The following GRAP2 variants were observed in gnomAD, a reference collection of about 807,000 sequenced individuals.
GRAP2 encodes the protein GRB2 related adaptor protein 2.
Under a neutral mutation model 43.5 loss-of-function variants are expected in GRAP2, and 31 were observed. The observed-to-expected ratio is 0.71, with a 90% CI of 0.54 to 0.96. GRAP2 has a LOEUF of 0.96. Ranked by LOEUF, GRAP2 falls within the 40% of genes least tolerant of loss-of-function variation. GRAP2 has a pLI of 0.00. For missense variants in GRAP2, 371 were observed against 424.4 expected, an observed-to-expected ratio of 0.87 and a Z score of 1.11; for synonymous variants, 156 against 164.8, an observed-to-expected ratio of 0.95 and a Z score of 0.41.
chr22:39,961,314 G>C (rs1231341732), intron 4 of GRAP2, among the ~76,000 whole-genome samples: 1 of 152,100 alleles, frequency 6.6e-6, no homozygotes, highest in African/African-American at 2.4e-5. Context: ...AGACAGGAGG[G>C]CAGGAGAAGG....
intron 1 of GRAP2, chr22:39,926,641 T>A (rs2066702746): frequency 1.0e-6 from 1 of 985,188 alleles, no homozygotes; most frequent in African/African-American, 1.7e-5. Flanking sequence ...AAGTCTGAGT[T>A]CCTCAATCGC....
intron 1 of GRAP2, among the ~76,000 whole-genome samples, chr22:39,919,096 C>A (rs2066628140): frequency 6.6e-6 from 1 of 152,064 alleles, no homozygotes; most frequent in South Asian, 2.1e-4. Context: ...CAGGGTTGTA[C>A]CACGGCACTC....
At chr22:39,927,747 C>G (rs1212487564) in intron 1 of GRAP2, among the ~76,000 whole-genome samples, 1 of 152,176 alleles carries the variant, frequency 6.6e-6, no homozygotes, top group Non-Finnish European at 1.5e-5. Flanking sequence ...TTCCACCATC[C>G]CCCGTGTGCT....
At chr22:39,904,224 A>G (rs948332090) in intron 1 of GRAP2, among the ~76,000 whole-genome samples, 4 of 152,148 alleles carry the variant, frequency 2.6e-5, no homozygotes, top group Non-Finnish European at 4.4e-5. Context: ...CCCTGTCTCT[A>G]CCAAAATACA....
chr22:39,964,619 T>G, intron 4 of GRAP2: 2 of 698,124 alleles, frequency 2.9e-6, no homozygotes, highest in Non-Finnish European at 5.2e-6. Flanking sequence ...CATCCGTATT[T>G]AAACCTCTCT....
At chr22:39,923,863 A>G (rs1184137334) in intron 1 of GRAP2, among the ~76,000 whole-genome samples, 18 of 152,228 alleles carry the variant, frequency 1.2e-4, no homozygotes, top group South Asian at 6.2e-4. Flanking sequence ...AATTCTGCAC[A>G]GTTGTACATA....
At chr22:39,944,638 A>G (rs2066903480) in intron 1 of GRAP2, among the ~76,000 whole-genome samples, 1 of 152,188 alleles carries the variant, frequency 6.6e-6, no homozygotes, top group Admixed American at 6.5e-5. Context: ...GGGGGAAGGC[A>G]GAGGAAAGTG....
At chr22:39,965,724 T>C (rs1055993194) in intron 4 of GRAP2, among the ~76,000 whole-genome samples, 1 of 152,272 alleles carries the variant, frequency 6.6e-6, no homozygotes, top group South Asian at 2.1e-4. Flanking sequence ...AAAAGGTTAG[T>C]TCCAGTGTCC....
intron 1 of GRAP2, among the ~76,000 whole-genome samples, chr22:39,932,994 A>G (rs984368211): frequency 1.3e-5 from 2 of 152,176 alleles, no homozygotes; most frequent in Non-Finnish European, 1.5e-5. Context: ...TGCCTACCTT[A>G]CCCAGATGGC....
At chr22:39,913,422 ATGAAGAC>A (rs1183593625) in intron 1 of GRAP2, among the ~76,000 whole-genome samples, 2 of 152,202 alleles carry the variant, frequency 1.3e-5, no homozygotes, top group African/African-American at 4.8e-5. Flanking sequence ...ATCCAGTAAG[ATGAAGAC>A]TCAGGAACAA....
chr22:39,930,837 TC>T (rs2066748905), intron 1 of GRAP2, among the ~76,000 whole-genome samples: 1 of 152,016 alleles, frequency 6.6e-6, no homozygotes, highest in Admixed American at 6.5e-5. Context: ...CACACACCAT[TC>T]TCTCTGTGTG....
chr22:39,918,156 C>T (rs739090), intron 1 of GRAP2, among the ~76,000 whole-genome samples: 44,338 of 151,986 alleles, frequency 0.29, 6,921 homozygotes, highest in East Asian at 0.65. Context: ...GGGTTTTTCA[C>T]GCTCCTCCCT....
chr22:39,940,397 T>TTTC (rs2066855997), intron 1 of GRAP2, among the ~76,000 whole-genome samples: 1 of 151,740 alleles, frequency 6.6e-6, no homozygotes. Flanking sequence ...TTTTTTTTTT[T>TTTC]TTCACTTTCC....
intron 4 of GRAP2, 137 bp downstream of exon 4, chr22:39,960,311 C>G: frequency 2.7e-6 from 2 of 744,970 alleles, no homozygotes; most frequent in African/African-American, 1.7e-5. Flanking sequence ...ATGGCAGCAG[C>G]TTCACAACCT....
At chr22:39,894,490 C>T in the GRAP2 span, among the ~76,000 whole-genome samples, 4 of 151,928 alleles carry the variant, frequency 2.6e-5, no homozygotes, top group Non-Finnish European at 5.9e-5. Flanking sequence ...GTGGGTGCAG[C>T]GCACCAGCAT....
chr22:39,946,919 C>T (rs866536744), intron 1 of GRAP2, 174 bp from the exon 2 acceptor site: 37 of 570,366 alleles, frequency 6.5e-5, no homozygotes, highest in Non-Finnish European at 9.2e-5. Flanking sequence ...CTATAGATTC[C>T]GGCAGCTCTT....
chr22:39,962,868 C>T (rs2067133941), intron 4 of GRAP2, among the ~76,000 whole-genome samples: 1 of 152,034 alleles, frequency 6.6e-6, no homozygotes, highest in Non-Finnish European at 1.5e-5. Flanking sequence ...GGGGTTTCGT[C>T]ATGTTGGCCA....
At chr22:39,966,935 A>C (rs745665521) in intron 5 of GRAP2, among the ~76,000 whole-genome samples, 3 of 152,174 alleles carry the variant, frequency 2.0e-5, no homozygotes, top group Non-Finnish European at 4.4e-5. Flanking sequence ...AGTCTGGTCC[A>C]TATTAAACAC....
At chr22:39,959,203 G>A (rs189850055) in intron 3 of GRAP2, among the ~76,000 whole-genome samples, 143 of 152,340 alleles carry the variant, frequency 9.4e-4, no homozygotes, top group Non-Finnish European at 1.3e-3. Context: ...CCTGCTTTGA[G>A]GCTGCAGCCA....
Sources: gnomAD v4.1 joint callset for allele counts (sites outside exome capture counted in the v4.1 genomes callset) on GRCh38, gnomAD v4.1.1 for gene constraint, MANE v1.5 for transcripts, NCBI Gene and HGNC (gene_info 2026-07-23, HGNC 2026-07-21) for gene names.